The following ZBTB20 variants were observed in gnomAD, a reference collection of about 807,000 sequenced individuals.
ZBTB20 encodes zinc finger and BTB domain-containing protein 20.
ZBTB20 carries 9 observed loss-of-function variants against 56.9 expected under a neutral mutation model. The ratio of observed to expected loss-of-function variants is 0.16; its 90% CI spans 0.10 to 0.28. The LOEUF is 0.28. Ranked by LOEUF, ZBTB20 falls within the 10% of genes least tolerant of loss-of-function variation. The probability of loss-of-function intolerance (pLI) is 1.00; values close to 1 mark genes in which losing one functional copy is unlikely to be tolerated. For missense variants in ZBTB20, 655 were observed against 1,003.0 expected, an observed-to-expected ratio of 0.65 and a Z score of 4.69; for synonymous variants, 417 against 420.7, an observed-to-expected ratio of 0.99 and a Z score of 0.11.
chr3:114,392,598 C>CA (rs1464774397), intron 7 of ZBTB20, among the ~76,000 whole-genome samples: 1 of 152,188 alleles, frequency 6.6e-6, no homozygotes, highest in African/African-American at 2.4e-5. Flanking sequence ...AAACTATTGG[C>CA]AATCTGCTAT....
chr3:114,902,528 T>C (rs1467127876), intron 3 of ZBTB20, among the ~76,000 whole-genome samples: 1 of 152,220 alleles, frequency 6.6e-6, no homozygotes, highest in Non-Finnish European at 1.5e-5. Context: ...TTATTTTTTA[T>C]ATTTCTGAGC....
chr3:115,073,097 AT>A (rs1560548052), intron 1 of ZBTB20, among the ~76,000 whole-genome samples: 1 of 152,214 alleles, frequency 6.6e-6, no homozygotes, highest in Non-Finnish European at 1.5e-5. Flanking sequence ...AGAAACTGAA[AT>A]GAGAACTGGA....
chr3:114,557,718 C>A lies in ZBTB20; in HGVS notation c.-294-57327G>T, dbSNP rs1401224785. Among the ~76,000 whole-genome samples the A allele has an allele frequency of 2.6e-5, 4 of 151,884 alleles. No individual in the cohort carries two copies. The East Asian group carries it at 7.7e-4, about 29-fold the overall frequency. ...CTCCCACTCCTTGCCTTCTGAATGA[C>A]TGTCTAGATATATTTTCACCTGTAA... On this transcript the variant is annotated intron_variant, in intron 6 of 11. Coordinates refer to ENST00000675478, the MANE Select transcript of ZBTB20 (RefSeq NM_001348800.3).
chr3:114,840,541 A>G (rs983460724), intron 4 of ZBTB20, among the ~76,000 whole-genome samples: 1 of 152,224 alleles, frequency 6.6e-6, no homozygotes, highest in African/African-American at 2.4e-5. Context: ...TAATAGAGAA[A>G]TAATGAAAAA....
intron 6 of ZBTB20, among the ~76,000 whole-genome samples, chr3:114,532,896 T>G (rs1293124162): frequency 6.6e-6 from 1 of 152,104 alleles, no homozygotes; most frequent in East Asian, 1.9e-4. Context: ...GCAGCAGAGA[T>G]GCCAGACTGT....
intron 6 of ZBTB20, among the ~76,000 whole-genome samples, chr3:114,539,227 T>C (rs1448016349): frequency 6.6e-6 from 1 of 152,144 alleles, no homozygotes; most frequent in Non-Finnish European, 1.5e-5. Context: ...AACATATCAA[T>C]TGCATGTAAC....
intron 5 of ZBTB20, among the ~76,000 whole-genome samples, chr3:114,754,208 C>T (rs2067827404): frequency 6.6e-6 from 1 of 152,114 alleles, no homozygotes; most frequent in African/African-American, 2.4e-5. Flanking sequence ...CTTTTACAGG[C>T]CAGCTGAGCC....
chr3:115,135,027 G>T (rs2084616856), intron 1 of ZBTB20, among the ~76,000 whole-genome samples: 1 of 152,162 alleles, frequency 6.6e-6, no homozygotes, highest in African/African-American at 2.4e-5. Context: ...ACTTAAAATG[G>T]ATAAATATTG....
chr3:114,364,320 G>T lies in ZBTB20; in HGVS notation c.200-12442C>A, dbSNP rs981125320. 2.0e-5 allele frequency among the ~76,000 whole-genome samples: 3 copies of T among 152,074 alleles called. No homozygotes were observed. The East Asian group carries it at 5.8e-4, about 29-fold the overall frequency. On this transcript the variant is annotated intron_variant, in intron 10 of 11. Coordinates refer to ENST00000675478, the MANE Select transcript of ZBTB20 (RefSeq NM_001348800.3). The stretch of plus-strand genomic sequence containing the variant: ...TACAAAATTAGCTGGGCATGGTGGC[G>T]CATGCCTATAATTCGAGCTACTCAG...
At chr3:114,882,857 A>C (rs1251238489) in intron 4 of ZBTB20, among the ~76,000 whole-genome samples, 1 of 152,086 alleles carries the variant, frequency 6.6e-6, no homozygotes, top group Non-Finnish European at 1.5e-5. Context: ...TACCATTCAA[A>C]TTTTTTAACC....
At chr3:114,397,184 C>T (rs114453685) in intron 7 of ZBTB20, among the ~76,000 whole-genome samples, 3 of 152,218 alleles carry the variant, frequency 2.0e-5, no homozygotes, top group Non-Finnish European at 4.4e-5. Context: ...TCCATTTGCT[C>T]CCACTCTCAG....
chr3:114,855,916 A>G (rs2075230447), intron 4 of ZBTB20, among the ~76,000 whole-genome samples: 1 of 152,246 alleles, frequency 6.6e-6, no homozygotes, highest in Admixed American at 6.5e-5. Context: ...CTTCAAAGCG[A>G]AAGTTATGTG....
intron 3 of ZBTB20, among the ~76,000 whole-genome samples, chr3:114,970,056 G>A (rs2077809949): frequency 3.9e-5 from 6 of 152,156 alleles, no homozygotes; most frequent in South Asian, 2.1e-4. Context: ...TTGTCATTCC[G>A]TTGGGCCAGC....
rs2075907483 is a variant in ZBTB20 at position 114,920,297 on chromosome 3, C to A, written c.-455-19955G>T. ...AATAGACCTACAGACATATATAGAA[C>A]ATTCTATCCAACAGCAGTAGAATAT... On this transcript the variant is annotated intron_variant, in intron 3 of 11. Coordinates refer to ENST00000675478, the MANE Select transcript of ZBTB20 (RefSeq NM_001348800.3). Among the ~76,000 whole-genome samples, 3 of 152,100 alleles carry A rather than the reference C, an allele frequency of 2.0e-5. No individual in the cohort carries two copies. In the South Asian group the frequency reaches 6.2e-4, roughly 32 times the overall value.
At chr3:114,924,716 G>C (rs986215594) in intron 3 of ZBTB20, among the ~76,000 whole-genome samples, 1 of 152,030 alleles carries the variant, frequency 6.6e-6, no homozygotes, top group Non-Finnish European at 1.5e-5. Flanking sequence ...CAATCACAAT[G>C]CACACTTTCA....
chr3:114,463,570 AGAAAACATAGCATCC>A (rs1301819305), intron 7 of ZBTB20, among the ~76,000 whole-genome samples: 1 of 152,222 alleles, frequency 6.6e-6, no homozygotes, highest in East Asian at 1.9e-4. Context: ...ATAACACTGA[AGAAAACATAGCATCC>A]GAAGCTGGTA....
intron 5 of ZBTB20, among the ~76,000 whole-genome samples, chr3:114,770,896 A>G (rs891803963): frequency 2.6e-5 from 4 of 152,188 alleles, no homozygotes; most frequent in Non-Finnish European, 1.5e-5. Context: ...TACTACAATG[A>G]GCATTTCCTT....
chr3:114,693,156 C>G (rs1446004887), intron 6 of ZBTB20, among the ~76,000 whole-genome samples: 1 of 152,144 alleles, frequency 6.6e-6, no homozygotes, highest in Non-Finnish European at 1.5e-5. Context: ...ATCACTCTTT[C>G]TGTCCACTCA....
chr3:114,568,273 C>T lies in ZBTB20; in HGVS notation c.-294-67882G>A, dbSNP rs748990488. 2.0e-4 allele frequency among the ~76,000 whole-genome samples: 31 copies of T among 152,262 alleles called. 1 individual carries two copies. Among genetic ancestry groups the T allele is most frequent in the Non-Finnish European group, 4.0e-4 (27 of 68,010 alleles). ...CGCAAGAAAATCCACTGTCCCTCTC[C>T]CCCCACGAAAAACCTGATGTTTGTC... On this transcript the variant is annotated intron_variant, in intron 6 of 11. Coordinates refer to ENST00000675478, the MANE Select transcript of ZBTB20 (RefSeq NM_001348800.3).
Sources: gnomAD v4.1 joint callset for allele counts (sites outside exome capture counted in the v4.1 genomes callset) on GRCh38, gnomAD v4.1.1 for gene constraint, MANE v1.5 for transcripts, NCBI Gene and HGNC (gene_info 2026-07-23, HGNC 2026-07-21) for gene names.